Variants in ARSK observed in about 807,000 individuals in gnomAD.
The protein encoded by ARSK is arylsulfatase K.
Under a neutral mutation model 53.2 loss-of-function variants are expected in ARSK, and 37 were observed. The observed-to-expected ratio is 0.70, with a 90% CI of 0.54 to 0.92. ARSK has a LOEUF of 0.92. ARSK is among the 40% of genes least tolerant of loss of function. ARSK has a pLI of 0.00. For synonymous variants in ARSK, 208 were observed against 223.2 expected, an observed-to-expected ratio of 0.93 and a Z score of 0.61; for missense variants, 613 against 643.0, an observed-to-expected ratio of 0.95 and a Z score of 0.51.
intron 3 of ARSK, among the ~76,000 whole-genome samples, chr5:95,576,591 T>G (rs893941261): frequency 2.6e-5 from 4 of 151,958 alleles, no homozygotes; most frequent in Non-Finnish European, 4.4e-5. Flanking sequence ...TTCATTAAGT[T>G]TTTTGGATTG....
intron 3 of ARSK, among the ~76,000 whole-genome samples, chr5:95,576,475 G>A (rs1334556277): frequency 6.6e-6 from 1 of 151,814 alleles, no homozygotes; most frequent in Non-Finnish European, 1.5e-5. Flanking sequence ...GGGATTACAG[G>A]TGTGAGCCAT....
At chr5:95,589,547 C>T (rs1225266150) in intron 5 of ARSK, among the ~76,000 whole-genome samples, 1 of 152,122 alleles carries the variant, frequency 6.6e-6, no homozygotes, top group East Asian at 1.9e-4. Context: ...TCTGTTCCTG[C>T]GTTAGTTAGC....
chr5:95,564,295 T>C (rs1368480331), intron 1 of ARSK, among the ~76,000 whole-genome samples: 1 of 152,114 alleles, frequency 6.6e-6, no homozygotes, highest in Non-Finnish European at 1.5e-5. Context: ...ACTTTTGTCT[T>C]CGCCTTTCTA....
In ARSK at chr5:95,604,087, CTG is replaced by C. The variant is rs1251357916; in HGVS notation, c.*563_*564del. The C allele has an allele frequency of 1.3e-5, 2 of 152,050 alleles. No homozygotes were observed. The highest frequency in any genetic ancestry group is 2.9e-5 in the Non-Finnish European group (2 of 67,978). 9.4% of individuals were successfully genotyped at this position (152,050 alleles called of 1,614,324 possible). On this transcript the variant is annotated 3_prime_UTR_variant, in exon 8 of 8. Coordinates refer to ENST00000380009, the MANE Select transcript of ARSK (RefSeq NM_198150.3). ...AGTATCAAAAGAATTGAAGCAAATA[CTG>C]TAACAGTTATGTTCCTTTAAATAAT... is the stretch of plus-strand genomic sequence containing the variant.
chr5:95,560,202 A>C (rs1387062147), intron 1 of ARSK, among the ~76,000 whole-genome samples: 3 of 152,218 alleles, frequency 2.0e-5, no homozygotes, highest in Non-Finnish European at 4.4e-5. Context: ...AAATGAACAG[A>C]CATCCCCTTT....
chr5:95,563,169 A>G (rs1033134813), intron 1 of ARSK, among the ~76,000 whole-genome samples: 5 of 152,110 alleles, frequency 3.3e-5, no homozygotes, highest in Non-Finnish European at 7.4e-5. Flanking sequence ...ATTTTTAAAT[A>G]TTTTCTCTAA....
chr5:95,556,343 AG>A (rs1373105382), intron 1 of ARSK: 4 of 665,728 alleles, frequency 6.0e-6, no homozygotes, highest in Non-Finnish European at 1.1e-5. Flanking sequence ...TTTATTACAG[AG>A]TGCTCTTGTA....
chr5:95,583,864 T>C (rs1460226010), intron 4 of ARSK, among the ~76,000 whole-genome samples: 2 of 152,218 alleles, frequency 1.3e-5, no homozygotes, highest in Non-Finnish European at 2.9e-5. Flanking sequence ...ACTTTCAATG[T>C]AATGATATAT....
At chr5:95,576,903 C>T (rs1412088096) in intron 3 of ARSK, among the ~76,000 whole-genome samples, 1 of 152,122 alleles carries the variant, frequency 6.6e-6, no homozygotes, top group Non-Finnish European at 1.5e-5. Flanking sequence ...AATTTAAATT[C>T]TGTAAATAGG....
At position 95,555,403 on chromosome 5, in the gene ARSK, T is replaced by G; in HGVS notation, c.125T>G (p.Phe42Cys). 6.2e-7 allele frequency: 1 copy of G among 1,600,896 alleles called. No individual in the cohort carries two copies. The highest frequency in any genetic ancestry group is 8.5e-7 in the Non-Finnish European group (1 of 1,172,654). The change falls in exon 1 of 8, where the codon TTC becomes TGC. Residue 42 changes from phenylalanine (F) to cysteine (C), a missense_variant and splice_region_variant. Coordinates refer to ENST00000380009, the MANE Select transcript of ARSK (RefSeq NM_198150.3). The surrounding 1 kb of genome is among the most constrained non-coding windows in gnomAD (Gnocchi z 4.0). ...PNVVLVVSDS[F>C]DGRLTFHPGS... ...GTGGTGCTGGTCGTGAGCGACTCCT[T>G]CGTAAGTACCGCGAGGCAGGGGAGG...
intron 1 of ARSK, among the ~76,000 whole-genome samples, chr5:95,561,515 C>A (rs1420639852): frequency 6.6e-6 from 1 of 152,136 alleles, no homozygotes; most frequent in African/African-American, 2.4e-5. Flanking sequence ...ATAAACAACC[C>A]AAATGCCCAT....
At chr5:95,556,367 T>A in intron 1 of ARSK, 1 of 640,238 alleles carries the variant, frequency 1.6e-6, no homozygotes. Context: ...CAAAGGCAAA[T>A]GAAGGAAGCA....
intron 3 of ARSK, among the ~76,000 whole-genome samples, chr5:95,576,705 T>G (rs148918460): frequency 0.023 from 3,484 of 151,686 alleles, 98 homozygotes; most frequent in African/African-American, 0.065. Flanking sequence ...GCCAACATGG[T>G]GAAACCCTGT....
intron 3 of ARSK, among the ~76,000 whole-genome samples, chr5:95,578,933 TTAAG>T (rs1270000738): frequency 1.3e-5 from 2 of 152,330 alleles, no homozygotes; most frequent in East Asian, 1.9e-4. Flanking sequence ...TGGTAATGTG[TTAAG>T]TAGTTTTGTT....
intron 6 of ARSK, among the ~76,000 whole-genome samples, chr5:95,593,123 T>C (rs980080436): frequency 2.0e-5 from 3 of 152,168 alleles, no homozygotes; most frequent in African/African-American, 7.2e-5. Context: ...CTTTACAATT[T>C]CCTTCCTTAA....
At chr5:95,556,047 AT>A (rs1748497037) in intron 1 of ARSK, among the ~76,000 whole-genome samples, 1 of 152,216 alleles carries the variant, frequency 6.6e-6, no homozygotes, top group African/African-American at 2.4e-5. Context: ...TTTTAGGATG[AT>A]CCATGTTTTA....
intron 4 of ARSK, among the ~76,000 whole-genome samples, chr5:95,584,698 G>GA (rs200685212): frequency 0.014 from 2,076 of 149,688 alleles, 47 homozygotes; most frequent in African/African-American, 0.044. Context: ...AGAGTAGCAA[G>GA]AAAAAAAAAA....
intron 1 of ARSK, among the ~76,000 whole-genome samples, chr5:95,559,720 A>G (rs1193772289): frequency 1.3e-5 from 2 of 152,220 alleles, no homozygotes; most frequent in South Asian, 2.1e-4. Context: ...GGCATCTACA[A>G]AAAAAGCCAG....
At chr5:95,596,925 CA>C (rs1218927644) in intron 6 of ARSK, among the ~76,000 whole-genome samples, 21 of 151,980 alleles carry the variant, frequency 1.4e-4, no homozygotes, top group African/African-American at 5.1e-4. Flanking sequence ...GCTTTTGGAT[CA>C]AATAAACTAA....
Sources: allele counts gnomAD v4.1 joint callset (sites outside exome capture counted in the v4.1 genomes callset), GRCh38; gene constraint gnomAD v4.1.1; non-coding constraint Gnocchi (gnomAD v3.1); transcripts MANE v1.5; gene names NCBI Gene and HGNC (gene_info 2026-07-23, HGNC 2026-07-21).